SACS: variants seen among roughly 807,000 people sequenced by gnomAD.
The protein encoded by SACS is sacsin molecular chaperone.
In SACS, 197 loss-of-function variants were observed where a neutral mutation model predicts 348.0. The observed-to-expected ratio is 0.57, with a 90% CI of 0.50 to 0.64. The LOEUF is 0.64. SACS is among the 30% of genes least tolerant of loss of function. SACS has a pLI of 0.00. For missense variants in SACS, 4,999 were observed against 5,360.8 expected, an observed-to-expected ratio of 0.93 and a Z score of 2.11; for synonymous variants, 1,985 against 1,910.6, an observed-to-expected ratio of 1.04 and a Z score of -1.02.
intron 2 of SACS, among the ~76,000 whole-genome samples, chr13:23,404,637 C>A (rs1403201941): frequency 6.6e-6 from 1 of 152,150 alleles, no homozygotes; most frequent in Non-Finnish European, 1.5e-5. Flanking sequence ...CAAACTGTCA[C>A]TATTTGCAGA....
chr13:23,418,241 G>T (rs933603284), intron 1 of SACS, among the ~76,000 whole-genome samples: 1 of 151,958 alleles, frequency 6.6e-6, no homozygotes, highest in African/African-American at 2.4e-5. Flanking sequence ...GCAGAAATTG[G>T]GGAACAGGCT....
chr13:23,354,364 T>C (rs1225330576), intron 8 of SACS, among the ~76,000 whole-genome samples, 155 bp downstream of exon 8: 1 of 152,206 alleles, frequency 6.6e-6, no homozygotes, highest in Non-Finnish European at 1.5e-5. Context: ...ATAAAATGTA[T>C]CCTTTGGTAT....
intron 2 of SACS, among the ~76,000 whole-genome samples, chr13:23,381,254 T>C (rs1315644169): frequency 1.3e-5 from 2 of 152,030 alleles, no homozygotes; most frequent in Non-Finnish European, 2.9e-5. Context: ...GCAGTGCTCA[T>C]CAGGGCCCAG....
At chr13:23,379,504 G>T (rs1464383268) in intron 2 of SACS, among the ~76,000 whole-genome samples, 4 of 152,118 alleles carry the variant, frequency 2.6e-5, no homozygotes, top group Admixed American at 2.6e-4. Flanking sequence ...GCCAGTGCTG[G>T]AAAATACAGG....
At position 23,336,957 on chromosome 13, in the gene SACS, C is replaced by G; in HGVS notation, c.6919G>C (p.Gly2307Arg). 6.2e-7 allele frequency: 1 copy of G among 1,613,926 alleles called. No homozygotes were observed. The highest frequency in any genetic ancestry group is 8.5e-7 in the Non-Finnish European group (1 of 1,179,886). Reference sequence around the variant, plus strand: ...ATATTCTCCTGGTACAGTGTAATTCCATCATCAACTGATTTTGCTACTTCT... The same window carrying G: ...ATATTCTCCTGGTACAGTGTAATTCGATCATCAACTGATTTTGCTACTTCT... ...LKEVAKSVDD[G>R]ITLYQENITN... The change falls in exon 10 of 10, where the codon GGA becomes CGA. Residue 2307 changes from glycine to arginine, a missense_variant. Physicochemically the swap from Gly to Arg is moderately radical, Grantham distance 125. Transcript: ENST00000382292.
chr13:23,347,434 T>G (rs2137674973), intron 9 of SACS, among the ~76,000 whole-genome samples: 1 of 152,230 alleles, frequency 6.6e-6, no homozygotes, highest in South Asian at 2.1e-4. Flanking sequence ...GCTACAGTTC[T>G]GTGAGATTTC....
At chr13:23,362,751 A>T (rs1343410455) in intron 6 of SACS, among the ~76,000 whole-genome samples, 2 of 151,694 alleles carry the variant, frequency 1.3e-5, no homozygotes, top group East Asian at 3.9e-4. Context: ...ACGCACGGCT[A>T]ATTTTTGTAT....
intron 2 of SACS, among the ~76,000 whole-genome samples, chr13:23,385,141 C>CA (rs71185074): frequency 0.38 from 51,837 of 134,932 alleles, 9,215 homozygotes; most frequent in South Asian, 0.5. Flanking sequence ...GACTCTGTCT[C>CA]AAAAAAAAAA....
intron 2 of SACS, among the ~76,000 whole-genome samples, chr13:23,389,736 C>A (rs1174820811): frequency 1.2e-4 from 18 of 152,212 alleles, no homozygotes; most frequent in Admixed American, 1.1e-3. Context: ...GATAAAAGAA[C>A]AAATTACAAT....
At chr13:23,342,387 A>G (rs917465425) in intron 9 of SACS, among the ~76,000 whole-genome samples, 2 of 152,240 alleles carry the variant, frequency 1.3e-5, no homozygotes, top group Middle Eastern at 3.2e-3. Flanking sequence ...TAAAATTTAT[A>G]TAAGAATCTT....
rs760556327 is a variant in SACS at position 23,341,190 on chromosome 13, G to A, written c.2686C>T (p.Leu896Phe). The change falls in exon 10 of 10, where the codon CTT (leucine) becomes TTT (phenylalanine). Residue 896 changes from leucine (L) to phenylalanine (F), a missense_variant. Physicochemically the swap from Leu to Phe is conservative, Grantham distance 22 (BLOSUM62 0). This residue lies in a region of SACS where 3,156 missense variants were observed against 3,380.1 expected (regional missense o/e 0.93). Transcript: ENST00000382292. ...QKLCNQITSL[L>F]PTHKDALRKF... ...CTCAGGGCATCTTTGTGTGTTGGAAGTAGCGAAGTTATTTGATTACACAAT... is the reference window on the plus strand; with the variant it reads ...CTCAGGGCATCTTTGTGTGTTGGAAATAGCGAAGTTATTTGATTACACAAT... The A allele has an allele frequency of 5.0e-6, 8 of 1,613,494 alleles. No homozygotes were observed. The Admixed American group carries it at 1.3e-4, about 27-fold the overall frequency.
In SACS at chr13:23,336,721, A is replaced by C; in HGVS notation, c.7155T>G (p.Leu2385=). The stretch of plus-strand genomic sequence containing the variant: ...ACTGCCTCACACCCACGGTTTCAAA[A>C]AGTTCGCGGAAATTATTTTTATACT... ...PNKYKNNFRE[L]FETVGVRQSC... is the part of the protein sequence containing the mutation. The change falls in exon 10 of 10, where the codon CTT becomes CTG. Residue 2385 remains leucine (L), a synonymous_variant. Transcript: ENST00000382292. The C allele has an allele frequency of 6.2e-7, 1 of 1,613,868 alleles. No individual in the cohort carries two copies. Among genetic ancestry groups the C allele is most frequent in the South Asian group, 1.1e-5 (1 of 91,060 alleles).
Position 23,429,107 on chromosome 13 carries a change from A to C in SACS, c.-502+4508T>G, listed in dbSNP as rs954820114. Among the ~76,000 whole-genome samples the C allele has an allele frequency of 8.5e-4, 129 of 152,176 alleles. 3 individuals carry two copies. Among genetic ancestry groups the C allele is most frequent in the Non-Finnish European group, 4.6e-4 (31 of 68,028 alleles). On this transcript the variant is annotated intron_variant, in intron 1 of 9. Coordinates refer to ENST00000382292, the MANE Select transcript of SACS (RefSeq NM_014363.6). ...TATGAGTGAATTGTATGGTATGTGA[A>C]TATCTCAAAGCTGCTAAATGAAATT...
At chr13:23,398,697 G>C (rs115962023) in intron 2 of SACS, among the ~76,000 whole-genome samples, 1 of 152,010 alleles carries the variant, frequency 6.6e-6, no homozygotes, top group Admixed American at 6.6e-5. Context: ...TGGGATCAAC[G>C]GAAAGGAATG....
At chr13:23,385,539 G>A (rs1872254738) in intron 2 of SACS, among the ~76,000 whole-genome samples, 1 of 151,966 alleles carries the variant, frequency 6.6e-6, no homozygotes, top group Admixed American at 6.6e-5. Flanking sequence ...TGTATTTTTA[G>A]TAGTGATGAG....
chr13:23,383,525 A>G (rs1277946781), intron 2 of SACS, among the ~76,000 whole-genome samples: 1 of 152,082 alleles, frequency 6.6e-6, no homozygotes, highest in Non-Finnish European at 1.5e-5. Flanking sequence ...ACAGCCCCAG[A>G]GCTCTGCAGG....
intron 2 of SACS, among the ~76,000 whole-genome samples, chr13:23,408,309 C>T (rs1305283273): frequency 1.3e-5 from 2 of 152,166 alleles, no homozygotes; most frequent in African/African-American, 2.4e-5. Context: ...ATCTGGCCCA[C>T]CTCTGGAATC....
At chr13:23,388,542 T>C (rs1169595164) in intron 2 of SACS, among the ~76,000 whole-genome samples, 3 of 148,756 alleles carry the variant, frequency 2.0e-5, no homozygotes, top group African/African-American at 7.4e-5. Context: ...ACTCAGCCAT[T>C]AAAAAAACAA....
At position 23,341,150 on chromosome 13, in the gene SACS, C is replaced by A. The variant is rs2137641417; in HGVS notation, c.2726G>T (p.Ser909Ile). 6.2e-7 allele frequency: 1 copy of A among 1,613,280 alleles called. No homozygotes were observed. The highest frequency in any genetic ancestry group is 8.5e-7 in the Non-Finnish European group (1 of 1,180,004). The change falls in exon 10 of 10, where the codon AGT becomes ATT. Residue 909 changes from serine (S) to isoleucine (I), a missense_variant. Ser to Ile is a moderately radical substitution (Grantham distance 142). This residue lies in a region of SACS where 3,156 missense variants were observed against 3,380.1 expected (regional missense o/e 0.93). Coordinates refer to ENST00000382292, the MANE Select transcript of SACS (RefSeq NM_014363.6). The stretch of plus-strand genomic sequence containing the variant: ...CTCTTTCTCACTGCTATCGGTTAAA[C>A]TAGCCAAGAACTTCCTCAGGGCATC... Reference protein sequence around the residue: ...HKDALRKFLASLTDSSEKEKR... With the variant: ...HKDALRKFLAILTDSSEKEKR...
Sources: gnomAD v4.1 joint callset for allele counts (sites outside exome capture counted in the v4.1 genomes callset) on GRCh38, gnomAD v4.1.1 for gene constraint, gnomAD v4.1.1 regional missense constraint, MANE v1.5 for transcripts, NCBI Gene and HGNC (gene_info 2026-07-23, HGNC 2026-07-21) for gene names.